The following SLIT3 variants were observed in gnomAD, a reference collection of about 807,000 sequenced individuals.
The protein encoded by SLIT3 is slit homolog 3 protein.
SLIT3 carries 68 observed loss-of-function variants against 184.0 expected under a neutral mutation model. The observed-to-expected ratio is 0.37, with a 90% confidence interval of 0.30 to 0.45. The LOEUF is 0.45. SLIT3 is among the 20% of genes least tolerant of loss of function. SLIT3 has a pLI of 1.00. For missense variants in SLIT3, 1,707 were observed against 2,026.0 expected (o/e 0.84, Z 3.02); for synonymous variants, 831 against 828.6 (o/e 1.00, Z -0.05).
At chr5:168,679,969 A>G (rs955396989) in intron 32 of SLIT3, among the ~76,000 whole-genome samples, 1 of 152,254 alleles carries the variant, frequency 6.6e-6, no homozygotes, top group Non-Finnish European at 1.5e-5. Context: ...ACTGCATTGC[A>G]TTCAAAGAGC....
At chr5:168,744,242 T>C (rs978334257) in intron 20 of SLIT3, among the ~76,000 whole-genome samples, 1 of 152,174 alleles carries the variant, frequency 6.6e-6, no homozygotes, top group Non-Finnish European at 1.5e-5. Context: ...TGAGCCGAGA[T>C]TGCGCCACGG....
At chr5:168,720,999 C>G (rs576128475) in intron 23 of SLIT3, 2 of 152,276 alleles carry the variant, frequency 1.3e-5, no homozygotes, top group Non-Finnish European at 2.9e-5. Flanking sequence ...AGTTACTTCA[C>G]CAGTCTGGGC....
At chr5:168,676,970 A>T (rs930746333) in intron 32 of SLIT3, among the ~76,000 whole-genome samples, 1 of 152,186 alleles carries the variant, frequency 6.6e-6, no homozygotes, top group Admixed American at 6.5e-5. Context: ...GCCTGGAGAC[A>T]GTGGTCTGGC....
At chr5:169,220,874 C>T (rs1764595387) in intron 3 of SLIT3, among the ~76,000 whole-genome samples, 2 of 152,166 alleles carry the variant, frequency 1.3e-5, no homozygotes, top group East Asian at 1.9e-4. Flanking sequence ...TCAGGTCACT[C>T]GATCTATACA....
At chr5:168,901,448 A>G (rs1008565642) in intron 4 of SLIT3, among the ~76,000 whole-genome samples, 1 of 152,156 alleles carries the variant, frequency 6.6e-6, no homozygotes, top group African/African-American at 2.4e-5. Flanking sequence ...AAGAATCTCC[A>G]TCCTCAACCC....
intron 4 of SLIT3, among the ~76,000 whole-genome samples, chr5:169,110,483 T>A (rs1004844036): frequency 2.6e-5 from 4 of 152,120 alleles, no homozygotes; most frequent in Non-Finnish European, 5.9e-5. Flanking sequence ...ACTTTAGGTG[T>A]TCGTTGTCTT....
At chr5:169,129,141 G>A (rs111625252) in intron 4 of SLIT3, among the ~76,000 whole-genome samples, 2,667 of 152,270 alleles carry the variant, frequency 0.018, 62 homozygotes, top group African/African-American at 0.058. Flanking sequence ...AAGGCCATGC[G>A]TCACTCCATT....
intron 16 of SLIT3, among the ~76,000 whole-genome samples, chr5:168,758,216 T>C (rs1200700460): frequency 2.6e-5 from 4 of 152,318 alleles, no homozygotes; most frequent in Admixed American, 6.5e-5. Flanking sequence ...TTGACACTTA[T>C]CATGTGTTTG....
At chr5:169,045,213 G>C (rs927169306) in intron 4 of SLIT3, among the ~76,000 whole-genome samples, 1 of 152,122 alleles carries the variant, frequency 6.6e-6, no homozygotes, top group Non-Finnish European at 1.5e-5. Context: ...AGACAGGGAT[G>C]GGGGTTGGGA....
rs182154274 is a variant in SLIT3 at position 169,188,244 on chromosome 5, C to T, written c.413+5235G>A. ...AAACTGCTTAGATAACAGGCATGAG[C>T]CACTGTTTCCAGCCACGCAGAGGAT... On this transcript the variant is annotated intron_variant, in intron 4 of 35. Coordinates refer to ENST00000519560, the MANE Select transcript of SLIT3 (RefSeq NM_003062.4). Among the ~76,000 whole-genome samples, 6 of 152,334 alleles carry T rather than the reference C, an allele frequency of 3.9e-5. No homozygotes were observed. The East Asian group carries it at 7.7e-4, about 20-fold the overall frequency.
chr5:168,898,368 G>T (rs1760756847), intron 4 of SLIT3, among the ~76,000 whole-genome samples: 1 of 149,250 alleles, frequency 6.7e-6, no homozygotes, highest in Non-Finnish European at 1.5e-5. Context: ...AGGCACAGAT[G>T]AATCTATAGC....
intron 23 of SLIT3, 79 bp downstream of exon 23, chr5:168,722,177 G>C: frequency 7.8e-7 from 1 of 1,283,688 alleles, no homozygotes; most frequent in East Asian, 2.4e-5. Context: ...GGCAGAGAGT[G>C]GGGAAGGGGA....
chr5:168,669,769 C>T lies in SLIT3; in HGVS notation c.4336+14G>A. On this transcript the variant is annotated intron_variant, in intron 35 of 35. Transcript: ENST00000519560. ...ACCCCCACTTCCTCCCTCCCACAGG[C>T]ACAGTAGACCCACCTTGTTGGCAGT... 6.2e-7 allele frequency: 1 copy of T among 1,611,364 alleles called. No homozygotes were observed.
Position 168,692,592 on chromosome 5 carries a change from G to A in SLIT3, c.3176+15C>T, listed in dbSNP as rs763814581. Reference sequence around the variant, plus strand: ...TTCATGGACTCTGTGCTGGGGGCACGAAGCCAGGTCTTACCTGAATCCTTT... The same window carrying A: ...TTCATGGACTCTGTGCTGGGGGCACAAAGCCAGGTCTTACCTGAATCCTTT... On this transcript the variant is annotated intron_variant, in intron 29 of 35. Coordinates refer to ENST00000519560, the MANE Select transcript of SLIT3 (RefSeq NM_003062.4). The A allele has an allele frequency of 1.7e-5, 28 of 1,601,784 alleles. No homozygotes were observed. The Middle Eastern group carries it at 6.6e-4, about 38-fold the overall frequency.
intron 6 of SLIT3, among the ~76,000 whole-genome samples, chr5:168,827,180 G>A (rs1185063840): frequency 6.6e-6 from 1 of 152,226 alleles, no homozygotes; most frequent in Non-Finnish European, 1.5e-5. Context: ...GCAAGACTGA[G>A]TCCAGGAATG....
chr5:169,011,618 A>C (rs1756156708), intron 4 of SLIT3, among the ~76,000 whole-genome samples: 1 of 152,114 alleles, frequency 6.6e-6, no homozygotes. Context: ...CAAGACAGTC[A>C]TTTGCTGGGG....
intron 4 of SLIT3, among the ~76,000 whole-genome samples, chr5:168,965,551 G>A (rs1763155752): frequency 6.6e-6 from 1 of 152,172 alleles, no homozygotes; most frequent in Non-Finnish European, 1.5e-5. Context: ...AGGAAAATAT[G>A]AGTTCTGCCT....
chr5:169,187,769 G>A (rs1438822786), intron 4 of SLIT3, among the ~76,000 whole-genome samples: 1 of 151,616 alleles, frequency 6.6e-6, no homozygotes, highest in African/African-American at 2.4e-5. Flanking sequence ...GGCCAGGCTT[G>A]TCTCAAACTC....
At chr5:168,768,322 G>A in intron 14 of SLIT3, 1 of 466,416 alleles carries the variant, frequency 2.1e-6, no homozygotes. Context: ...GCGTGGAGAA[G>A]CGGAAGCCGG....
Sources: gnomAD v4.1 joint callset for allele counts (sites outside exome capture counted in the v4.1 genomes callset) on GRCh38, gnomAD v4.1.1 for gene constraint, MANE v1.5 for transcripts, NCBI Gene and HGNC (gene_info 2026-07-23, HGNC 2026-07-21) for gene names.